The following SLC35F4 variants were observed in gnomAD, a reference collection of about 807,000 sequenced individuals.
SLC35F4 encodes the protein chromosome 14 open reading frame 36.
SLC35F4 carries 24 observed loss-of-function variants against 44.2 expected under a neutral mutation model. The ratio of observed to expected loss-of-function variants is 0.54; its 90% confidence interval spans 0.39 to 0.76. The LOEUF is 0.76. Among genes scored for constraint, SLC35F4 ranks in the 30% least tolerant of loss-of-function variants. The pLI, the probability that SLC35F4 is intolerant of heterozygous loss-of-function variation, is 0.00. For missense variants in SLC35F4, 562 were observed against 586.1 expected, an observed-to-expected ratio of 0.96 and a Z score of 0.42; for synonymous variants, 238 against 223.6, an observed-to-expected ratio of 1.06 and a Z score of -0.57.
chr14:57,885,716 G>A (rs566947281), intron 1 of SLC35F4, among the ~76,000 whole-genome samples: 62 of 152,308 alleles, frequency 4.1e-4, no homozygotes, highest in Middle Eastern at 3.4e-3. Flanking sequence ...CCAACATAGA[G>A]CTTTTTTATC....
intron 1 of SLC35F4, among the ~76,000 whole-genome samples, chr14:57,938,665 A>C (rs766630422): frequency 3.3e-5 from 5 of 152,184 alleles, no homozygotes; most frequent in Non-Finnish European, 7.3e-5. Flanking sequence ...TTAACACATG[A>C]AGATTTTGCT....
At chr14:57,850,065 G>A (rs188257434) in intron 1 of SLC35F4, among the ~76,000 whole-genome samples, 1 of 152,312 alleles carries the variant, frequency 6.6e-6, no homozygotes, top group African/African-American at 2.4e-5. Context: ...CAGCCACTAT[G>A]CTAATTTCCC....
intron 1 of SLC35F4, among the ~76,000 whole-genome samples, chr14:57,827,803 CAAAAAAA>C (rs5808943): frequency 1.2e-4 from 15 of 128,096 alleles, no homozygotes; most frequent in Non-Finnish European, 2.5e-4. Flanking sequence ...CCTTATTTTT[CAAAAAAA>C]AAAAAAACAG....
At chr14:57,579,639 T>C (rs1461766128) in intron 4 of SLC35F4, 3 of 152,196 alleles carry the variant, frequency 2.0e-5, no homozygotes, top group Admixed American at 2.0e-4. Context: ...TGGTCCATGA[T>C]AGTGAAAGAC....
intron 1 of SLC35F4, among the ~76,000 whole-genome samples, chr14:57,729,434 G>C (rs936143373): frequency 1.3e-5 from 2 of 152,136 alleles, no homozygotes; most frequent in Non-Finnish European, 2.9e-5. Flanking sequence ...AGGAACCAAG[G>C]GCTCTTTAGT....
At chr14:57,924,623 A>AT (rs1889514586) in intron 1 of SLC35F4, among the ~76,000 whole-genome samples, 1 of 151,574 alleles carries the variant, frequency 6.6e-6, no homozygotes, top group Non-Finnish European at 1.5e-5. Context: ...TAATTTTTGT[A>AT]TTTTTAGTAG....
chr14:57,588,729 A>G (rs1028612122), intron 3 of SLC35F4, among the ~76,000 whole-genome samples: 1 of 152,206 alleles, frequency 6.6e-6, no homozygotes, highest in African/African-American at 2.4e-5. Context: ...AGGCCATGTC[A>G]TCTGCTAGGC....
chr14:57,917,058 G>C (rs1282085576), intron 1 of SLC35F4, among the ~76,000 whole-genome samples: 1 of 151,736 alleles, frequency 6.6e-6, no homozygotes, highest in East Asian at 1.9e-4. Context: ...GTTTTGTTTT[G>C]TTTTGAGACG....
chr14:57,601,744 ACTG>A (rs1184189674), intron 1 of SLC35F4, among the ~76,000 whole-genome samples: 1 of 152,228 alleles, frequency 6.6e-6, no homozygotes, highest in Non-Finnish European at 1.5e-5. Context: ...AGGTTAGATC[ACTG>A]CTACCTATTT....
intron 1 of SLC35F4, among the ~76,000 whole-genome samples, chr14:57,617,631 T>C (rs544440920): frequency 6.6e-6 from 1 of 152,132 alleles, no homozygotes; most frequent in Non-Finnish European, 1.5e-5. Flanking sequence ...TTAAAGACTT[T>C]AGGGAAATAC....
chr14:57,906,638 A>C (rs1450624067), intron 1 of SLC35F4, among the ~76,000 whole-genome samples: 1 of 152,204 alleles, frequency 6.6e-6, no homozygotes, highest in East Asian at 1.9e-4. Flanking sequence ...ATTTTCAATA[A>C]ATGTTGCCTT....
intron 1 of SLC35F4, among the ~76,000 whole-genome samples, chr14:57,615,999 A>G (rs74052376): frequency 0.018 from 2,791 of 152,316 alleles, 76 homozygotes; most frequent in African/African-American, 0.063. Context: ...AAATTGGAAA[A>G]TAACTACCAT....
At chr14:57,740,916 T>A (rs1008579210) in intron 1 of SLC35F4, among the ~76,000 whole-genome samples, 4 of 152,006 alleles carry the variant, frequency 2.6e-5, no homozygotes, top group African/African-American at 4.8e-5. Flanking sequence ...CGGGTGCCCC[T>A]CTGAGACGAA....
chr14:57,737,205 T>C (rs1222371883), intron 1 of SLC35F4, among the ~76,000 whole-genome samples: 1 of 151,982 alleles, frequency 6.6e-6, no homozygotes, highest in African/African-American at 2.4e-5. Flanking sequence ...GTAATTCCAC[T>C]TACTATCCAA....
At position 57,594,092 on chromosome 14, in the gene SLC35F4, GT is replaced by G. The variant is rs2070354043; in HGVS notation, c.135del (p.Lys45AsnfsTer82). 1 of 1,613,898 alleles carries G rather than the reference GT, an allele frequency of 6.2e-7. No individual in the cohort carries two copies. Reference protein sequence around the residue: ...STSRSSVTRCKPGANCPSSHS... With the variant: ...STSRSSVTRCXPGANCPSSHS... ...TGTGAACTGGGGCAGTTGGCTCCTG[GT>G]TTACATCTAGTGACTGATGATCTGG... is the stretch of plus-strand genomic sequence containing the variant. On this transcript the variant is annotated frameshift_variant, in exon 2 of 8. Transcript: ENST00000556826. LOFTEE classifies it high-confidence loss of function.
chr14:57,702,896 G>A (rs919554601), intron 1 of SLC35F4, among the ~76,000 whole-genome samples: 1 of 152,078 alleles, frequency 6.6e-6, no homozygotes, highest in African/African-American at 2.4e-5. Flanking sequence ...TAATCAACGA[G>A]GATAATAATT....
chr14:57,937,983 CCT>C (rs549354164), intron 1 of SLC35F4, among the ~76,000 whole-genome samples: 118 of 152,248 alleles, frequency 7.8e-4, no homozygotes, highest in Non-Finnish European at 1.5e-3. Context: ...AATACTCTCC[CCT>C]CTGTCTCCAC....
At chr14:57,869,665 C>T (rs553297904), upstream of SLC35F4, among the ~76,000 whole-genome samples, 1 of 152,290 alleles carries the variant, frequency 6.6e-6, no homozygotes, top group African/African-American at 2.4e-5. Context: ...AGTCAAGGGC[C>T]AATGTTACTT....
At chr14:57,740,124 T>C (rs541933082) in intron 1 of SLC35F4, among the ~76,000 whole-genome samples, 3 of 152,294 alleles carry the variant, frequency 2.0e-5, no homozygotes, top group Non-Finnish European at 2.9e-5. Flanking sequence ...CCTCACAAAG[T>C]GCTGGGATTA....
Sources: allele counts gnomAD v4.1 joint callset (sites outside exome capture counted in the v4.1 genomes callset), GRCh38; gene constraint gnomAD v4.1.1; transcripts MANE v1.5; gene names NCBI Gene and HGNC (gene_info 2026-07-23, HGNC 2026-07-21).